The following NSF variants were observed in gnomAD, a reference collection of about 807,000 sequenced individuals.
The protein encoded by NSF is vesicle-fusing ATPase.
NSF carries 14 observed loss-of-function variants against 50.3 expected under a neutral mutation model. The ratio of observed to expected loss-of-function variants is 0.28; its 90% CI spans 0.18 to 0.44. The LOEUF (loss-of-function observed/expected upper bound fraction) is 0.44. Ranked by LOEUF, NSF falls within the 20% of genes least tolerant of loss-of-function variation. The pLI, the probability that NSF is intolerant of heterozygous loss-of-function variation, is 1.00. For missense variants in NSF, 218 were observed against 504.3 expected (o/e 0.43, Z 5.44); for synonymous variants, 109 against 175.7 (o/e 0.62, Z 3.00).
chr17:46,721,383 C>G, intron 15 of NSF, among the ~76,000 whole-genome samples: 1 of 152,176 alleles, frequency 6.6e-6, no homozygotes, highest in East Asian at 1.9e-4. Context: ...CCACTCTTTC[C>G]CACATTGTTT....
chr17:46,690,628 T>C (rs866148695), intron 9 of NSF, among the ~76,000 whole-genome samples: 1 of 96,590 alleles, frequency 1.0e-5, no homozygotes, highest in Non-Finnish European at 2.3e-5. Context: ...AAAAAAAATA[T>C]ATATATATAT....
intron 17 of NSF, among the ~76,000 whole-genome samples, chr17:46,735,670 C>T (rs553596303): frequency 3.9e-5 from 6 of 152,152 alleles, no homozygotes; most frequent in East Asian, 3.9e-4. Context: ...GCTGTCCAGG[C>T]GCAGTGGCTC....
intron 19 of NSF, among the ~76,000 whole-genome samples, chr17:46,752,444 G>T (rs2059190407): frequency 6.6e-6 from 1 of 152,046 alleles, no homozygotes; most frequent in African/African-American, 2.4e-5. Flanking sequence ...AAGGTGCTCA[G>T]TAAACTTTTA....
chr17:46,754,419 A>G (rs1275649899), intron 19 of NSF, among the ~76,000 whole-genome samples: 1 of 152,158 alleles, frequency 6.6e-6, no homozygotes, highest in Non-Finnish European at 1.5e-5. Context: ...GAGCATTTGA[A>G]AGTTATTCCT....
intron 17 of NSF, among the ~76,000 whole-genome samples, chr17:46,741,594 AAAAAG>A (rs1192379590): frequency 6.6e-6 from 1 of 152,068 alleles, no homozygotes; most frequent in Non-Finnish European, 1.5e-5. Flanking sequence ...ACTGCAAAAA[AAAAAG>A]AAAAGAAAAA....
Position 46,719,085 on chromosome 17 carries a change from A to G in NSF, c.1761+5099A>G, listed in dbSNP as rs1383696368. Among the ~76,000 whole-genome samples the G allele has an allele frequency of 2.0e-5, 3 of 152,174 alleles. No individual in the cohort carries two copies. Among genetic ancestry groups the G allele is most frequent in the African/African-American group, 7.2e-5 (3 of 41,440 alleles). ...TTCTTGGGATTCTCACCCGTACTTGATATTATTAAAATATTTTTTGCCAGT... is the reference window on the plus strand; with the variant it reads ...TTCTTGGGATTCTCACCCGTACTTGGTATTATTAAAATATTTTTTGCCAGT... On this transcript the variant is annotated intron_variant, in intron 15 of 20. Transcript: ENST00000398238. The surrounding 1 kb of genome is among the most constrained non-coding windows in gnomAD (Gnocchi z 4.3).
At chr17:46,748,259 G>A (rs909003718) in intron 17 of NSF, among the ~76,000 whole-genome samples, 4 of 151,926 alleles carry the variant, frequency 2.6e-5, no homozygotes, top group African/African-American at 9.7e-5. Flanking sequence ...TTACAGGCAC[G>A]TGTCACCATG....
At chr17:46,717,228 G>A (rs2058781596) in intron 15 of NSF, among the ~76,000 whole-genome samples, 1 of 152,218 alleles carries the variant, frequency 6.6e-6, no homozygotes, top group Non-Finnish European at 1.5e-5. Context: ...CTCATGTTAA[G>A]TGAAAGAAGC....
Position 46,756,894 on chromosome 17 carries a change from C to T in NSF, c.*1071C>T, listed in dbSNP as rs1170710898. On this transcript the variant is annotated 3_prime_UTR_variant, in exon 21 of 21. Transcript: ENST00000398238. ...CACACACTTCTTCCAAAAGGAAGCA[C>T]CCGTTGAGTCCTTTTGAGGGTGATT... The T allele has an allele frequency of 6.6e-6, 1 of 152,628 alleles. No individual in the cohort carries two copies. The highest frequency in any genetic ancestry group is 1.5e-5 in the Non-Finnish European group (1 of 68,062). The allele number at this position is 152,628 out of a possible 1,614,324, so 9.5% of individuals were successfully genotyped here.
intron 13 of NSF, 140 bp from the exon 14 acceptor site, chr17:46,710,823 T>C: frequency 4.4e-6 from 3 of 680,488 alleles, no homozygotes; most frequent in Non-Finnish European, 6.7e-6. Flanking sequence ...ATTATACAAG[T>C]TGTTTTGCTT....
intron 14 of NSF, 108 bp downstream of exon 14, chr17:46,711,227 C>G: frequency 9.4e-7 from 1 of 1,066,868 alleles, no homozygotes; most frequent in South Asian, 2.3e-5. Context: ...CGTTTTTAAC[C>G]TTGTTCTTGA....
chr17:46,743,513 T>C (rs570420206), intron 17 of NSF, among the ~76,000 whole-genome samples: 8 of 152,206 alleles, frequency 5.3e-5, no homozygotes, highest in Non-Finnish European at 1.0e-4. Context: ...AGTTAAATAA[T>C]CTACCCCAAA....
At chr17:46,707,520 C>A (rs1485739095) in intron 13 of NSF, among the ~76,000 whole-genome samples, 1 of 152,038 alleles carries the variant, frequency 6.6e-6, no homozygotes, top group Non-Finnish European at 1.5e-5. Flanking sequence ...AACTCTATAC[C>A]CATTAAATAA....
At chr17:46,658,034 G>T (rs1598661250) in intron 8 of NSF, among the ~76,000 whole-genome samples, 1 of 44,258 alleles carries the variant, frequency 2.3e-5, no homozygotes. Context: ...CTCAGTCTTT[G>T]GTGTGTATCA....
chr17:46,610,128 CCTTT>C (rs1210534363), intron 1 of NSF, among the ~76,000 whole-genome samples: 8 of 60,058 alleles, frequency 1.3e-4, no homozygotes, highest in African/African-American at 4.3e-4. Context: ...TCTCTCTCTT[CCTTT>C]CTTCCTTTCT....
intron 14 of NSF, 39 bp from the exon 15 acceptor site, chr17:46,713,814 T>C (rs747431310): frequency 1.3e-6 from 2 of 1,595,016 alleles, no homozygotes; most frequent in South Asian, 1.2e-5. Flanking sequence ...TTTGCTTAGG[T>C]TGGCTTTTTT....
intron 19 of NSF, among the ~76,000 whole-genome samples, chr17:46,755,005 T>C (rs888845632): frequency 2.0e-5 from 3 of 152,266 alleles, no homozygotes; most frequent in African/African-American, 7.2e-5. Context: ...AATGGCCCTG[T>C]CCAGTCTCAC....
chr17:46,721,609 A>G, intron 15 of NSF: 1 of 1,579,720 alleles, frequency 6.3e-7, no homozygotes, highest in South Asian at 1.1e-5. Flanking sequence ...GGAATTCAAA[A>G]TTAACATCCT....
chr17:46,750,006 A>G, intron 18 of NSF, 99 bp downstream of exon 18: 1 of 1,326,876 alleles, frequency 7.5e-7, no homozygotes, highest in Non-Finnish European at 1.0e-6. Context: ...TTTTATGCTA[A>G]TCTGGAACAT....
Sources: allele counts gnomAD v4.1 joint callset (sites outside exome capture counted in the v4.1 genomes callset), GRCh38; gene constraint gnomAD v4.1.1; non-coding constraint Gnocchi (gnomAD v3.1); transcripts MANE v1.5; gene names NCBI Gene and HGNC (gene_info 2026-07-23, HGNC 2026-07-21).